Variants in ITPR2 observed in about 807,000 individuals in gnomAD.
ITPR2 encodes the protein inositol 1,4,5-trisphosphate-gated calcium channel ITPR2.
ITPR2 carries 207 observed loss-of-function variants against 317.1 expected under a neutral mutation model. The ratio of observed to expected loss-of-function variants is 0.65; its 90% CI spans 0.58 to 0.73. ITPR2 has a LOEUF of 0.73. ITPR2 is among the 30% of genes least tolerant of loss of function. The pLI, the probability that ITPR2 is intolerant of heterozygous loss-of-function variation, is 0.00. For synonymous variants in ITPR2, 1,156 were observed against 1,149.1 expected (o/e 1.01, Z -0.12); for missense variants, 2,613 against 3,284.0 (o/e 0.80, Z 4.99).
chr12:26,434,482 C>A (rs938179124), intron 48 of ITPR2, among the ~76,000 whole-genome samples: 21 of 152,110 alleles, frequency 1.4e-4, no homozygotes, highest in Non-Finnish European at 2.8e-4. Flanking sequence ...GGTGGCATTT[C>A]CCATCACTAC....
chr12:26,516,702 G>T (rs1021634993), intron 37 of ITPR2, among the ~76,000 whole-genome samples: 2 of 152,098 alleles, frequency 1.3e-5, no homozygotes, highest in East Asian at 1.9e-4. Context: ...AGAAATTCAG[G>T]AAGAAATTGT....
At position 26,365,968 on chromosome 12, in the gene ITPR2, G is replaced by A. The variant is rs557555518; in HGVS notation, c.7857+21466C>T. On this transcript the variant is annotated intron_variant, in intron 55 of 56. Coordinates refer to ENST00000381340, the MANE Select transcript of ITPR2 (RefSeq NM_002223.4). Reference sequence around the variant, plus strand: ...TTAAACTACAAAATAAAAATAACACGTAGAATATCTTTAAAAAGGCACCAG... The same window carrying A: ...TTAAACTACAAAATAAAAATAACACATAGAATATCTTTAAAAAGGCACCAG... Among the ~76,000 whole-genome samples, 7 of 152,144 alleles carry A rather than the reference G, an allele frequency of 4.6e-5. No homozygotes were observed. In the East Asian group the frequency reaches 7.7e-4, roughly 17 times the overall value.
chr12:26,359,049 TA>T (rs1938734705), intron 55 of ITPR2, among the ~76,000 whole-genome samples: 1 of 152,246 alleles, frequency 6.6e-6, no homozygotes, highest in Non-Finnish European at 1.5e-5. Context: ...TGACATTGCC[TA>T]CATCATATAG....
At position 26,419,300 on chromosome 12, in the gene ITPR2, T is replaced by C. The variant is rs151079755; in HGVS notation, c.6946-87A>G. Reference sequence around the variant, plus strand: ...AACTACTATTCATAGTCCATGACTTTTTGACATGGATGAAACAATTATTCA... The same window carrying C: ...AACTACTATTCATAGTCCATGACTTCTTGACATGGATGAAACAATTATTCA... On this transcript the variant is annotated intron_variant, in intron 49 of 56. Transcript: ENST00000381340. The C allele has an allele frequency of 7.1e-4, 799 of 1,125,320 alleles. 8 individuals carry two copies. In the East Asian group the frequency reaches 0.02, roughly 28 times the overall value. The allele number at this position is 1,125,320 out of a possible 1,614,324, so 69.7% of individuals were successfully genotyped here.
intron 46 of ITPR2, among the ~76,000 whole-genome samples, chr12:26,441,983 T>C (rs895362141): frequency 1.3e-4 from 20 of 152,114 alleles, no homozygotes; most frequent in Non-Finnish European, 2.9e-5. Flanking sequence ...TATGTATCTA[T>C]GTATTTTCCA....
At chr12:26,809,086 G>C (rs1279556824) in intron 1 of ITPR2, among the ~76,000 whole-genome samples, 1 of 152,094 alleles carries the variant, frequency 6.6e-6, no homozygotes, top group Non-Finnish European at 1.5e-5. Flanking sequence ...GGACCCAAAA[G>C]GAAAGGCATC....
intron 2 of ITPR2, among the ~76,000 whole-genome samples, chr12:26,788,340 A>G (rs1802980071): frequency 6.6e-6 from 1 of 152,212 alleles, no homozygotes. Context: ...CCCATTAGCC[A>G]ATGACAGATG....
intron 1 of ITPR2, among the ~76,000 whole-genome samples, chr12:26,827,982 A>G (rs1403965518): frequency 1.3e-5 from 2 of 152,230 alleles, no homozygotes; most frequent in Non-Finnish European, 2.9e-5. Flanking sequence ...AGATTTTCCT[A>G]GCAATTTTCT....
chr12:26,543,785 C>A (rs964730103), intron 37 of ITPR2, among the ~76,000 whole-genome samples: 1 of 151,992 alleles, frequency 6.6e-6, no homozygotes, highest in Non-Finnish European at 1.5e-5. Context: ...AAAGAGAAAT[C>A]ACACTGCCCT....
intron 48 of ITPR2, 23 bp from the exon 49 acceptor site, chr12:26,428,111 AT>A (rs1565521076): frequency 6.5e-7 from 1 of 1,546,860 alleles, no homozygotes; most frequent in Admixed American, 2.0e-5. Context: ...GAAGAAATTT[AT>A]TGCTACTAAG....
rs1947220612 is a variant in ITPR2 at position 26,650,394 on chromosome 12, A to G, written c.2740+3582T>C. Among the ~76,000 whole-genome samples, 3 of 152,166 alleles carry G rather than the reference A, an allele frequency of 2.0e-5. No individual in the cohort carries two copies. In the South Asian group the frequency reaches 6.2e-4, roughly 32 times the overall value. ...TACGTGTCATTATACATTTGTCCAA[A>G]TACATAGAATGTGCAACACCAAGAG... On this transcript the variant is annotated intron_variant, in intron 21 of 56. Coordinates refer to ENST00000381340, the MANE Select transcript of ITPR2 (RefSeq NM_002223.4).
intron 37 of ITPR2, among the ~76,000 whole-genome samples, chr12:26,506,520 CAAAAAAAA>C (rs11362827): frequency 8.0e-5 from 7 of 87,530 alleles, no homozygotes; most frequent in South Asian, 8.1e-4. Flanking sequence ...AATCCTGTCT[CAAAAAAAA>C]AAAAAAAAAA....
intron 26 of ITPR2, among the ~76,000 whole-genome samples, chr12:26,615,114 A>G (rs974286537): frequency 1.3e-5 from 2 of 152,210 alleles, no homozygotes; most frequent in East Asian, 1.9e-4. Context: ...TGCTCTAAAA[A>G]TGAAGTCAAT....
At chr12:26,352,104 G>T (rs1481722448) in intron 55 of ITPR2, among the ~76,000 whole-genome samples, 1 of 152,196 alleles carries the variant, frequency 6.6e-6, no homozygotes, top group Non-Finnish European at 1.5e-5. Context: ...ATGGAAGGTT[G>T]GGTCCAGTCT....
intron 37 of ITPR2, among the ~76,000 whole-genome samples, chr12:26,517,309 A>T (rs3963792): frequency 5.9e-5 from 9 of 152,166 alleles, no homozygotes; most frequent in Admixed American, 2.6e-4. Flanking sequence ...CAATGAAAGT[A>T]TAATATCCAG....
intron 45 of ITPR2, among the ~76,000 whole-genome samples, chr12:26,466,458 C>T (rs1942173474): frequency 6.6e-6 from 1 of 152,176 alleles, no homozygotes; most frequent in Admixed American, 6.5e-5. Context: ...CTTCTCATGG[C>T]TTTTGATCTT....
At chr12:26,721,464 ACT>A (rs1273343847) in intron 5 of ITPR2, 2 of 420,520 alleles carry the variant, frequency 4.8e-6, no homozygotes, top group Admixed American at 4.2e-5. Flanking sequence ...AACTGAAAAA[ACT>A]CTCTCAGAAT....
rs536397069 is a variant in ITPR2 at position 26,703,601 on chromosome 12, T to C, written c.951+7572A>G. On this transcript the variant is annotated intron_variant, in intron 9 of 56. Coordinates refer to ENST00000381340, the MANE Select transcript of ITPR2 (RefSeq NM_002223.4). ...CCCCAACTGTGAAAATAAAAATGTC[T>C]CTAGACATTGCCATCGTTACCCTCA... Among the ~76,000 whole-genome samples the C allele has an allele frequency of 3.1e-4, 47 of 152,332 alleles. 1 individual carries two copies. The highest frequency in any genetic ancestry group is 1.3e-3 in the Admixed American group (20 of 15,294).
At chr12:26,590,907 C>T (rs1298406320) in intron 32 of ITPR2, among the ~76,000 whole-genome samples, 17 of 151,868 alleles carry the variant, frequency 1.1e-4, no homozygotes, top group Admixed American at 6.6e-5. Flanking sequence ...TGGTGAAACC[C>T]CGTCTCTACT....
Sources: gnomAD v4.1 joint callset for allele counts (sites outside exome capture counted in the v4.1 genomes callset) on GRCh38, gnomAD v4.1.1 for gene constraint, MANE v1.5 for transcripts, NCBI Gene and HGNC (gene_info 2026-07-23, HGNC 2026-07-21) for gene names.